Variants in ARID2 observed in about 807,000 individuals in gnomAD.
ARID2 encodes AT-rich interactive domain-containing protein 2.
ARID2 carries 32 observed loss-of-function variants against 184.6 expected under a neutral mutation model. That is an observed-to-expected ratio of 0.17 (90% confidence interval 0.13 to 0.23). The LOEUF (loss-of-function observed/expected upper bound fraction) is 0.23, where lower values mean the gene tolerates loss of function less well. ARID2 is among the 10% of genes least tolerant of loss of function. The pLI is 1.00. For synonymous variants in ARID2, 836 were observed against 772.6 expected, an observed-to-expected ratio of 1.08 and a Z score of -1.36; for missense variants, 1,696 against 2,197.6, an observed-to-expected ratio of 0.77 and a Z score of 4.56.
intron 16 of ARID2, among the ~76,000 whole-genome samples, chr12:45,875,587 A>G (rs934896708): frequency 6.6e-6 from 1 of 152,218 alleles, no homozygotes; most frequent in African/African-American, 2.4e-5. Context: ...CTTCCAGTAA[A>G]AGGCTGTTTG....
chr12:45,763,796 T>C (rs1941723235), intron 3 of ARID2, among the ~76,000 whole-genome samples: 1 of 152,174 alleles, frequency 6.6e-6, no homozygotes, highest in Non-Finnish European at 1.5e-5. Context: ...TGGCTGATTG[T>C]TATTGTTGAG....
At chr12:45,758,392 G>C (rs1329330485) in intron 3 of ARID2, among the ~76,000 whole-genome samples, 1 of 150,714 alleles carries the variant, frequency 6.6e-6, no homozygotes. Context: ...TTTTTTGTGC[G>C]ACTTTTTTTT....
chr12:45,874,702 C>T (rs1325915796), intron 16 of ARID2, among the ~76,000 whole-genome samples: 1 of 152,170 alleles, frequency 6.6e-6, no homozygotes, highest in Admixed American at 6.5e-5. Flanking sequence ...CGACCTCCTC[C>T]CATGAATCAC....
intron 16 of ARID2, among the ~76,000 whole-genome samples, chr12:45,872,527 A>G (rs1267897424): frequency 1.3e-5 from 2 of 152,194 alleles, no homozygotes. Flanking sequence ...GCCTCAGGAA[A>G]GCAACAATCA....
chr12:45,800,783 A>G (rs773983352), intron 3 of ARID2, among the ~76,000 whole-genome samples: 6 of 152,178 alleles, frequency 3.9e-5, no homozygotes, highest in Non-Finnish European at 7.4e-5. Flanking sequence ...GGACACATCA[A>G]AAGTACATAG....
At chr12:45,797,537 T>G (rs1942413183) in intron 3 of ARID2, among the ~76,000 whole-genome samples, 1 of 152,182 alleles carries the variant, frequency 6.6e-6, no homozygotes, top group South Asian at 2.1e-4. Context: ...CCCAGCCGTT[T>G]TTAAATTTTA....
chr12:45,850,109 G>C lies in ARID2; in HGVS notation c.1986G>C (p.Leu662=), dbSNP rs2138159076. ...RTPVANQSSN[L]TATQMSFPVQ... is the part of the protein sequence containing the mutation. ...CTGTTGCCAACCAATCTTCAAATCT[G>C]ACTGCAACACAAATGTCTTTTCCTG... Residue 662 remains leucine, a synonymous_variant, in exon 15 of 21, where the codon CTG becomes CTC. Coordinates refer to ENST00000334344, the MANE Select transcript of ARID2 (RefSeq NM_152641.4). The C allele has an allele frequency of 1.2e-6, 2 of 1,613,954 alleles. No homozygotes were observed. Among genetic ancestry groups the C allele is most frequent in the African/African-American group, 1.3e-5 (1 of 74,980 alleles).
chr12:45,865,273 C>T, intron 16 of ARID2, among the ~76,000 whole-genome samples: 1 of 152,134 alleles, frequency 6.6e-6, no homozygotes. Flanking sequence ...CACCAAAAAT[C>T]CCATTTCTCA....
chr12:45,889,846 G>A (rs919691514), intron 16 of ARID2, among the ~76,000 whole-genome samples: 8 of 152,316 alleles, frequency 5.3e-5, no homozygotes, highest in African/African-American at 1.9e-4. Flanking sequence ...GCTGAGGCAG[G>A]AGAATCGCTT....
intron 3 of ARID2, among the ~76,000 whole-genome samples, chr12:45,776,673 G>A (rs1348386511): frequency 6.6e-6 from 1 of 151,940 alleles, no homozygotes; most frequent in Non-Finnish European, 1.5e-5. Context: ...ATCGAGGCTG[G>A]GCATGGTGGA....
intron 3 of ARID2, among the ~76,000 whole-genome samples, chr12:45,791,273 CT>C (rs1295619512): frequency 6.6e-6 from 1 of 151,466 alleles, no homozygotes; most frequent in Non-Finnish European, 1.5e-5. Flanking sequence ...GCTGTGTTTC[CT>C]TTTAATTGAA....
At position 45,849,559 on chromosome 12, in the gene ARID2, GA is replaced by G. The variant is rs1402351547; in HGVS notation, c.1716-20del. On this transcript the variant is annotated intron_variant, in intron 13 of 20. Coordinates refer to ENST00000334344, the MANE Select transcript of ARID2 (RefSeq NM_152641.4). ...AATGTGATAGTTATCAAAACTTACT[GA>G]TTATGTATGTACTTTACAGAACGGT... 1 of 1,578,766 alleles carries G rather than the reference GA, an allele frequency of 6.3e-7. No homozygotes were observed. The highest frequency in any genetic ancestry group is 1.7e-5 in the Admixed American group (1 of 57,458).
At chr12:45,856,465 A>G (rs1280776413) in intron 15 of ARID2, among the ~76,000 whole-genome samples, 1 of 152,180 alleles carries the variant, frequency 6.6e-6, no homozygotes, top group Non-Finnish European at 1.5e-5. Flanking sequence ...TAGACAAAAT[A>G]GAGGATTTTA....
intron 3 of ARID2, among the ~76,000 whole-genome samples, chr12:45,777,044 G>A (rs1435676094): frequency 6.6e-6 from 1 of 151,016 alleles, no homozygotes; most frequent in Non-Finnish European, 1.5e-5. Context: ...CACCTGCCTC[G>A]GCTTCCCAAA....
At chr12:45,870,316 G>C (rs1477597580) in intron 16 of ARID2, among the ~76,000 whole-genome samples, 1 of 152,080 alleles carries the variant, frequency 6.6e-6, no homozygotes, top group Non-Finnish European at 1.5e-5. Flanking sequence ...AGCAGTTTTA[G>C]GTTTATGGAA....
chr12:45,821,879 T>C (rs1167761257), intron 6 of ARID2, among the ~76,000 whole-genome samples: 1 of 152,172 alleles, frequency 6.6e-6, no homozygotes, highest in Non-Finnish European at 1.5e-5. Flanking sequence ...TGTAAAAGAT[T>C]AGTAAGTGTC....
rs138032505 is a variant in ARID2, at chr12:45,766,793, C to T, written c.284+35479C>T. Among the ~76,000 whole-genome samples the T allele has an allele frequency of 3.4e-3, 520 of 152,226 alleles. 5 individuals are homozygous for T. Among genetic ancestry groups the T allele is most frequent in the Non-Finnish European group, 3.6e-3 (243 of 68,008 alleles). On this transcript the variant is annotated intron_variant, in intron 3 of 20. Transcript: ENST00000334344. ...CCTCCCAGAGTGCTGGGATTACAGG[C>T]GTGAGCCACCGCGCCCAGCCGGCAT... is the stretch of plus-strand genomic sequence containing the variant.
intron 6 of ARID2, among the ~76,000 whole-genome samples, chr12:45,831,327 A>G (rs1943118547): frequency 6.6e-6 from 1 of 152,128 alleles, no homozygotes; most frequent in African/African-American, 2.4e-5. Flanking sequence ...GTTCATTACA[A>G]CTGAGTATCT....
intron 3 of ARID2, among the ~76,000 whole-genome samples, chr12:45,763,297 C>T (rs951003389): frequency 8.6e-5 from 13 of 151,988 alleles, no homozygotes; most frequent in Non-Finnish European, 7.4e-5. Flanking sequence ...AGTGAAACCC[C>T]GTCTCTACTA....
Sources: gnomAD v4.1 joint callset for allele counts (sites outside exome capture counted in the v4.1 genomes callset) on GRCh38, gnomAD v4.1.1 for gene constraint, MANE v1.5 for transcripts, NCBI Gene and HGNC (gene_info 2026-07-23, HGNC 2026-07-21) for gene names.